The following PINX1 variants were observed in gnomAD, a reference collection of about 807,000 sequenced individuals.
PINX1 encodes the protein PIN2/TERF1-interacting telomerase inhibitor 1.
In PINX1, 34 loss-of-function variants were observed where a neutral mutation model predicts 25.4. The observed-to-expected ratio is 1.34, with a 90% CI of 1.02 to 1.78. The LOEUF (loss-of-function observed/expected upper bound fraction) is 1.78, where lower values mean the gene tolerates loss of function less well. Ranked by LOEUF, PINX1 falls within the 40% of genes most tolerant of loss-of-function variation. The pLI is 0.00. For missense variants in PINX1, 592 were observed against 404.9 expected, an observed-to-expected ratio of 1.46 and a Z score of -3.97; for synonymous variants, 197 against 147.7, an observed-to-expected ratio of 1.33 and a Z score of -2.42.
intron 5 of PINX1, among the ~76,000 whole-genome samples, chr8:10,825,158 G>T (rs1586200487): frequency 6.6e-6 from 1 of 152,268 alleles, no homozygotes; most frequent in South Asian, 2.1e-4. Context: ...TGGGCTCCTG[G>T]CCCTAAATGA....
At chr8:10,830,464 C>G (rs1798194889) in intron 4 of PINX1, among the ~76,000 whole-genome samples, 1 of 152,208 alleles carries the variant, frequency 6.6e-6, no homozygotes, top group Non-Finnish European at 1.5e-5. Flanking sequence ...CACACCTAAA[C>G]TAGTACCCAG....
intron 2 of PINX1, 49 bp from the exon 3 acceptor site, chr8:10,833,033 C>A (rs1798273189): frequency 1.7e-6 from 2 of 1,183,750 alleles, no homozygotes; most frequent in African/African-American, 1.5e-5. Context: ...CACTGATACT[C>A]AGAAGCAGAG....
chr8:10,789,175 G>A (rs776223870), intron 6 of PINX1, among the ~76,000 whole-genome samples: 1 of 152,168 alleles, frequency 6.6e-6, no homozygotes, highest in Admixed American at 6.5e-5. Flanking sequence ...CTTCTCCAAG[G>A]CTGACGGTAA....
intron 5 of PINX1, among the ~76,000 whole-genome samples, chr8:10,822,900 A>G (rs994577968): frequency 1.3e-5 from 2 of 152,230 alleles, no homozygotes; most frequent in Admixed American, 1.3e-4. Flanking sequence ...AATAGTTTAG[A>G]AAATTCATTT....
At position 10,835,340 on chromosome 8, in the gene PINX1, G is replaced by T. The variant is rs11991183; in HGVS notation, c.20-565C>A. Among the ~76,000 whole-genome samples, 1,339 of 152,306 alleles carry T rather than the reference G, an allele frequency of 8.8e-3. 25 individuals carry two copies. Among genetic ancestry groups the T allele is most frequent in the African/African-American group, 0.031 (1,277 of 41,560 alleles). On this transcript the variant is annotated intron_variant, in intron 1 of 6. Coordinates refer to ENST00000314787, the MANE Select transcript of PINX1 (RefSeq NM_017884.6). ...CAGATATGAAAATCTGAGGCTTAGA[G>T]AAAGAAATTTGCCGAACATCCCCAA...
intron 6 of PINX1, among the ~76,000 whole-genome samples, chr8:10,769,816 T>C (rs1275278114): frequency 6.6e-6 from 1 of 152,170 alleles, no homozygotes; most frequent in African/African-American, 2.4e-5. Context: ...CCCCGACTCC[T>C]AGCTCCCACC....
chr8:10,787,153 ATATAT>A (rs1289594377), intron 6 of PINX1, among the ~76,000 whole-genome samples: 1 of 150,794 alleles, frequency 6.6e-6, no homozygotes. Flanking sequence ...TCTATATTTG[ATATAT>A]TATATATATA....
intron 6 of PINX1, among the ~76,000 whole-genome samples, chr8:10,782,596 C>G (rs541690824): frequency 6.6e-6 from 1 of 151,902 alleles, no homozygotes; most frequent in Non-Finnish European, 1.5e-5. Context: ...ATTAGCTGGG[C>G]GTGGTGGCTC....
chr8:10,767,532 C>G (rs78796810), intron 6 of PINX1, among the ~76,000 whole-genome samples: 1 of 152,112 alleles, frequency 6.6e-6, no homozygotes, highest in Non-Finnish European at 1.5e-5. Flanking sequence ...TGCTGGAATT[C>G]CATAGGGTGA....
rs140430274 is a variant in PINX1 at position 10,796,719 on chromosome 8, T to TA, written c.471+23473dup. Among the ~76,000 whole-genome samples, 1,502 of 151,746 alleles carry TA rather than the reference T, an allele frequency of 9.9e-3. 25 individuals carry two copies. Among genetic ancestry groups the TA allele is most frequent in the African/African-American group, 0.035 (1,431 of 41,338 alleles). ...TAACCTTGTGTAGCTTTCCTCAACT[T>TA]ATACTAAGAGCTGTTAAAAAAAAAA... On this transcript the variant is annotated intron_variant, in intron 6 of 6. Coordinates refer to ENST00000314787, the MANE Select transcript of PINX1 (RefSeq NM_017884.6).
chr8:10,835,141 A>G (rs1798362799), intron 1 of PINX1, among the ~76,000 whole-genome samples: 1 of 152,240 alleles, frequency 6.6e-6, no homozygotes, highest in Non-Finnish European at 1.5e-5. Context: ...TAGTAGCAGC[A>G]GCATTACAGC....
At chr8:10,822,032 G>C (rs1049881347) in intron 5 of PINX1, 1 of 152,190 alleles carries the variant, frequency 6.6e-6, no homozygotes, top group East Asian at 1.9e-4. Flanking sequence ...TTTTGATGAT[G>C]GATTCTTGTA....
intron 6 of PINX1, among the ~76,000 whole-genome samples, chr8:10,778,333 A>G (rs534615208): frequency 6.6e-6 from 1 of 152,196 alleles, no homozygotes; most frequent in South Asian, 2.1e-4. Flanking sequence ...TGCTAAATTG[A>G]TATTCCAGGT....
intron 6 of PINX1, among the ~76,000 whole-genome samples, chr8:10,768,318 C>T (rs1801122303): frequency 6.6e-6 from 1 of 152,228 alleles, no homozygotes; most frequent in Non-Finnish European, 1.5e-5. Context: ...CCTTACCTTG[C>T]TCATCTATTT....
intron 5 of PINX1, among the ~76,000 whole-genome samples, chr8:10,820,965 T>C (rs1276980721): frequency 6.6e-6 from 1 of 152,238 alleles, no homozygotes; most frequent in Non-Finnish European, 1.5e-5. Flanking sequence ...AACTCTTTAA[T>C]TTCAAACCCC....
chr8:10,772,810 T>C (rs965255409), intron 6 of PINX1, among the ~76,000 whole-genome samples: 2 of 152,204 alleles, frequency 1.3e-5, no homozygotes, highest in African/African-American at 4.8e-5. Context: ...TGCGTGCACA[T>C]GTGAAACAGG....
intron 6 of PINX1, among the ~76,000 whole-genome samples, chr8:10,793,643 G>A (rs1046273735): frequency 7.2e-5 from 11 of 152,020 alleles, no homozygotes; most frequent in Admixed American, 5.2e-4. Context: ...ACAGACGTCC[G>A]CTGGAACGGG....
chr8:10,795,595 T>G (rs970008417), intron 6 of PINX1, among the ~76,000 whole-genome samples: 3 of 152,172 alleles, frequency 2.0e-5, no homozygotes, highest in East Asian at 1.9e-4. Flanking sequence ...AAGATGGGGT[T>G]TCACCATGTT....
chr8:10,810,426 T>C (rs574261539), intron 6 of PINX1, among the ~76,000 whole-genome samples: 2 of 152,322 alleles, frequency 1.3e-5, no homozygotes, highest in East Asian at 3.9e-4. Flanking sequence ...CTAGCTCAAC[T>C]TCCAATTCTT....
Sources: gnomAD v4.1 joint callset for allele counts (sites outside exome capture counted in the v4.1 genomes callset) on GRCh38, gnomAD v4.1.1 for gene constraint, MANE v1.5 for transcripts, NCBI Gene and HGNC (gene_info 2026-07-23, HGNC 2026-07-21) for gene names.